NPC1: variants seen among roughly 807,000 people sequenced by gnomAD.
NPC1 encodes the protein NPC intracellular cholesterol transporter 1.
In NPC1, 85 loss-of-function variants were observed where a neutral mutation model predicts 140.4. The ratio of observed to expected loss-of-function variants is 0.61; its 90% CI spans 0.51 to 0.72. The LOEUF is 0.72. Among genes scored for constraint, NPC1 ranks in the 30% least tolerant of loss-of-function variants. The pLI, the probability that NPC1 is intolerant of heterozygous loss-of-function variation, is 0.00. For synonymous variants in NPC1, 656 were observed against 624.8 expected, an observed-to-expected ratio of 1.05 and a Z score of -0.74; for missense variants, 1,504 against 1,623.8, an observed-to-expected ratio of 0.93 and a Z score of 1.27.
chr18:23,552,493 G>T (rs1033843400), intron 9 of NPC1, among the ~76,000 whole-genome samples: 1 of 152,176 alleles, frequency 6.6e-6, no homozygotes, highest in African/African-American at 2.4e-5. Context: ...TTCCGGGAAA[G>T]AAATGTCATG....
chr18:23,581,664 T>A (rs530241119), intron 1 of NPC1, among the ~76,000 whole-genome samples: 10 of 152,258 alleles, frequency 6.6e-5, no homozygotes, highest in African/African-American at 2.2e-4. Flanking sequence ...CAAATTTTTT[T>A]AAGAGCTTTA....
At chr18:23,514,918 C>T (rs2057960248) in intron 3 of NPC1, among the ~76,000 whole-genome samples, 1 of 152,150 alleles carries the variant, frequency 6.6e-6, no homozygotes, top group African/African-American at 2.4e-5. Context: ...GGGCTCTGTA[C>T]AGTGTTCTGT....
intron 3 of NPC1, among the ~76,000 whole-genome samples, chr18:23,510,634 G>A (rs1246136780): frequency 6.6e-6 from 1 of 151,170 alleles, no homozygotes; most frequent in African/African-American, 2.4e-5. Context: ...GCAACAGAGC[G>A]AGACTCCGTC....
chr18:23,529,920 GAC>G (rs147681066), downstream of NPC1: 5,283 of 1,162,536 alleles, frequency 4.5e-3, 170 homozygotes, highest in African/African-American at 0.073. Context: ...TTCTTGTAAT[GAC>G]AGACTTTTAC....
intron 24 of NPC1, chr18:23,532,748 C>A: frequency 2.9e-5 from 6 of 204,102 alleles, no homozygotes; most frequent in Non-Finnish European, 4.0e-5. Context: ...TGTAATAGAA[C>A]TACTTTCTAT....
chr18:23,569,095 A>G, intron 3 of NPC1, 97 bp from the exon 4 acceptor site: 1 of 848,138 alleles, frequency 1.2e-6, no homozygotes, highest in Non-Finnish European at 1.9e-6. Context: ...AACTTACTGT[A>G]AAGTGACAAA....
intron 1 of NPC1, chr18:23,576,645 G>A (rs187768167): frequency 1.8e-4 from 39 of 219,216 alleles, no homozygotes; most frequent in Non-Finnish European, 3.0e-4. Context: ...TGTCCCTTCT[G>A]ATGTTCAGAT....
intron 24 of NPC1, chr18:23,533,136 G>GA: frequency 1.6e-6 from 1 of 644,290 alleles, no homozygotes; most frequent in East Asian, 3.3e-5. Context: ...CAGGCCTCCA[G>GA]AAAAAACATC....
rs149111199 is a variant in NPC1 at position 23,533,559 on chromosome 18, C to G, written c.3592-42G>C. ...TGTGTTAGAAACCACTTTTACCAAC[C>G]TGTAATTGAACAAAAACACTTCCTT... is the stretch of plus-strand genomic sequence containing the variant. On this transcript the variant is annotated intron_variant, in intron 23 of 24. Transcript: ENST00000269228. 4,459 of 1,587,172 alleles carry G rather than the reference C, an allele frequency of 2.8e-3. 7 individuals are homozygous for G. The highest frequency in any genetic ancestry group is 4.2e-3 in the Middle Eastern group (25 of 6,022).
At chr18:23,510,901 G>T (rs1328077943) in intron 3 of NPC1, among the ~76,000 whole-genome samples, 1 of 152,232 alleles carries the variant, frequency 6.6e-6, no homozygotes, top group Non-Finnish European at 1.5e-5. Context: ...TTCAACCTTT[G>T]TGGAAAACAG....
intron 21 of NPC1, 60 bp from the exon 22 acceptor site, chr18:23,535,760 C>A: frequency 9.1e-7 from 1 of 1,102,906 alleles, no homozygotes; most frequent in South Asian, 1.3e-5. Context: ...ACTGCGTGTT[C>A]ATCCTGTCAC....
chr18:23,568,644 G>T (rs2059159645), intron 4 of NPC1, among the ~76,000 whole-genome samples, 179 bp downstream of exon 4: 1 of 152,188 alleles, frequency 6.6e-6, no homozygotes, highest in Non-Finnish European at 1.5e-5. Flanking sequence ...GCTTTAAGGA[G>T]ATTTTTATAT....
At chr18:23,560,609 T>A in intron 5 of NPC1, 129 bp from the exon 6 acceptor site, 1 of 1,014,582 alleles carries the variant, frequency 9.9e-7, no homozygotes, top group Non-Finnish European at 1.4e-6. Context: ...GAATTGGAGG[T>A]TTTAGTTTAA....
intron 3 of NPC1, chr18:23,508,749 C>T (rs2057775118): frequency 6.6e-6 from 1 of 152,588 alleles, no homozygotes; most frequent in Admixed American, 6.5e-5. Context: ...CGGCCCTTCT[C>T]AAACCTGTCT....
rs1369627964 is a variant in NPC1 at position 23,534,430 on chromosome 18, T to TG, written c.3591+15dup. 1 of 1,581,952 alleles carries TG rather than the reference T, an allele frequency of 6.3e-7. No individual in the cohort carries two copies. The highest frequency in any genetic ancestry group is 1.1e-5 in the South Asian group (1 of 90,462). ...TGGTGCGACTCTGCCGGCGTGGCCC[T>TG]GCTCAGGGTACTCACGGAGCTGCCC... On this transcript the variant is annotated intron_variant, in intron 23 of 24. Transcript: ENST00000269228.
intron 24 of NPC1, 146 bp downstream of exon 24, chr18:23,533,209 G>C (rs1343878144): frequency 2.1e-5 from 20 of 946,524 alleles, no homozygotes; most frequent in Non-Finnish European, 3.2e-5. Context: ...TTTTCTTTTA[G>C]AAGAAATTTT....
Position 23,561,442 on chromosome 18 carries a change from G to C in NPC1, c.549C>G (p.Ala183=). 1 of 1,614,158 alleles carries C rather than the reference G, an allele frequency of 6.2e-7. No individual in the cohort carries two copies. Among genetic ancestry groups the C allele is most frequent in the East Asian group, 2.2e-5 (1 of 44,886 alleles). The change falls in exon 5 of 25, where the codon GCC becomes GCG. Residue 183 remains alanine (A), a synonymous_variant. Transcript: ENST00000269228. ...LGLLCGKDAD[A]CNATNWIEYM... is the part of the protein sequence containing the mutation. ...ATTCAATCCAGTTGGTGGCATTACA[G>C]GCGTCAGCGTCCTTCCCACACAGGA...
At chr18:23,509,077 C>T (rs2057782821) in intron 3 of NPC1, 1 of 381,386 alleles carries the variant, frequency 2.6e-6, no homozygotes, top group African/African-American at 2.1e-5. Flanking sequence ...AATTAGTAAA[C>T]ATTCCGGGGA....
rs537484682 is a variant in NPC1 at position 23,556,620 on chromosome 18, G to A, written c.956-7C>T. The A allele has an allele frequency of 2.7e-5, 44 of 1,613,790 alleles. No homozygotes were observed. The highest frequency in any genetic ancestry group is 3.6e-5 in the Non-Finnish European group (42 of 1,179,920). ...TCACAGCAGGACGCCTCTCCTGGAA[G>A]AACGGGAGAGGAAGGGAAGGTGGAG... On this transcript the variant is annotated splice_polypyrimidine_tract_variant and splice_region_variant and intron_variant, in intron 7 of 24. Coordinates refer to ENST00000269228, the MANE Select transcript of NPC1 (RefSeq NM_000271.5).
Sources: allele counts gnomAD v4.1 joint callset (sites outside exome capture counted in the v4.1 genomes callset), GRCh38; gene constraint gnomAD v4.1.1; transcripts MANE v1.5; gene names NCBI Gene and HGNC (gene_info 2026-07-23, HGNC 2026-07-21).